BACH2: variants seen among roughly 807,000 people sequenced by gnomAD.
BACH2 encodes the protein transcription regulator protein BACH2.
BACH2 carries 5 observed loss-of-function variants against 61.8 expected under a neutral mutation model. The observed-to-expected ratio is 0.08, with a 90% CI of 0.04 to 0.17. The LOEUF (loss-of-function observed/expected upper bound fraction) is 0.17, where lower values mean the gene tolerates loss of function less well. BACH2 is among the 10% of genes least tolerant of loss of function. BACH2 has a pLI of 1.00. For synonymous variants in BACH2, 446 were observed against 440.1 expected (o/e 1.01, Z -0.17); for missense variants, 824 against 1,091.1 (o/e 0.76, Z 3.45).
At chr6:90,289,883 A>G (rs10498965) in intron 1 of BACH2, among the ~76,000 whole-genome samples, 15,885 of 152,250 alleles carry the variant, frequency 0.1, 1,166 homozygotes, top group East Asian at 0.36. Flanking sequence ...CTGGGAGAGA[A>G]TATCTTTGTA....
chr6:90,230,739 C>T (rs1274681534), intron 3 of BACH2, among the ~76,000 whole-genome samples: 1 of 152,166 alleles, frequency 6.6e-6, no homozygotes, highest in Non-Finnish European at 1.5e-5. Context: ...TCTGCCCCCA[C>T]ATGATGATAA....
chr6:90,012,554 A>C (rs1412043084), intron 5 of BACH2, among the ~76,000 whole-genome samples: 1 of 151,596 alleles, frequency 6.6e-6, no homozygotes, highest in Non-Finnish European at 1.5e-5. Flanking sequence ...GTGTGAACCC[A>C]GCAGGAAGAG....
In BACH2 at chr6:90,155,948, A is replaced by T. The variant is rs369298838; in HGVS notation, c.-162+50621T>A. ...CAATATTGCATAAAGTCCTATTCTC[A>T]GATGACAATTGAGGTGGCCTCATCA... On this transcript the variant is annotated intron_variant, in intron 4 of 8. Coordinates refer to ENST00000257749, the MANE Select transcript of BACH2 (RefSeq NM_021813.4). 3.1e-4 allele frequency among the ~76,000 whole-genome samples: 47 copies of T among 152,332 alleles called. 3 individuals are homozygous for T. The East Asian group carries it at 4.4e-3, about 14-fold the overall frequency.
chr6:90,045,455 A>G (rs1384757786), intron 5 of BACH2, among the ~76,000 whole-genome samples: 1 of 152,218 alleles, frequency 6.6e-6, no homozygotes, highest in Non-Finnish European at 1.5e-5. Context: ...AAATTAATAA[A>G]GGTGGGGGGA....
intron 5 of BACH2, among the ~76,000 whole-genome samples, chr6:90,014,466 A>T (rs868464580): frequency 6.8e-3 from 347 of 50,808 alleles, no homozygotes; most frequent in African/African-American, 0.014. Flanking sequence ...ATATATATAT[A>T]TATTTTTTTT....
intron 4 of BACH2, among the ~76,000 whole-genome samples, chr6:90,104,069 A>C (rs1266694253): frequency 6.6e-6 from 1 of 152,224 alleles, no homozygotes; most frequent in Non-Finnish European, 1.5e-5. Flanking sequence ...GCACCAAATA[A>C]AATCCGCAGG....
At position 90,034,259 on chromosome 6, in the gene BACH2, A is replaced by G. The variant is rs757508711; in HGVS notation, c.-12-25403T>C. ...TTACAATTGACCGTATTTGAAATCT[A>G]TTAAAATCTCTTAATTATTCTTATA... On this transcript the variant is annotated intron_variant, in intron 5 of 8. Transcript: ENST00000257749. Among the ~76,000 whole-genome samples the G allele has an allele frequency of 1.1e-3, 162 of 152,220 alleles. 2 individuals are homozygous for G. The highest frequency in any genetic ancestry group is 2.6e-4 in the Non-Finnish European group (18 of 68,022).
chr6:90,080,232 G>A (rs1781664552), intron 5 of BACH2, among the ~76,000 whole-genome samples: 3 of 152,164 alleles, frequency 2.0e-5, no homozygotes, highest in Admixed American at 6.6e-5. Flanking sequence ...AGAGCGGGCT[G>A]TGAGGAGTGA....
At chr6:90,007,899 G>A (rs965674263) in intron 6 of BACH2, among the ~76,000 whole-genome samples, 3 of 152,196 alleles carry the variant, frequency 2.0e-5, no homozygotes, top group Admixed American at 6.5e-5. Flanking sequence ...TCAGGATGAT[G>A]AACCAAGAGG....
intron 4 of BACH2, among the ~76,000 whole-genome samples, chr6:90,193,654 A>G (rs1272520653): frequency 6.6e-6 from 1 of 152,342 alleles, no homozygotes; most frequent in East Asian, 1.9e-4. Flanking sequence ...ACCTCTCAAT[A>G]AAAGCACTTC....
chr6:90,013,154 C>G (rs1260009017), intron 5 of BACH2, among the ~76,000 whole-genome samples: 1 of 151,960 alleles, frequency 6.6e-6, no homozygotes, highest in East Asian at 1.9e-4. Flanking sequence ...GTTCTCATAG[C>G]CTGTTTTTTC....
intron 4 of BACH2, among the ~76,000 whole-genome samples, chr6:90,125,057 C>T (rs1290250477): frequency 6.6e-6 from 1 of 151,880 alleles, no homozygotes; most frequent in South Asian, 2.1e-4. Context: ...ATTTTGTGAA[C>T]TGTCCAAAGT....
At position 90,254,014 on chromosome 6, in the gene BACH2, T is replaced by C. The variant is rs891873789; in HGVS notation, c.-352-1424A>G. Reference sequence around the variant, plus strand: ...TTACTGTTTAGTATCCTAAAAGAAATAGTTTTCAAAATATCTACATTCATT... The same window carrying C: ...TTACTGTTTAGTATCCTAAAAGAAACAGTTTTCAAAATATCTACATTCATT... On this transcript the variant is annotated intron_variant, in intron 2 of 8. Coordinates refer to ENST00000257749, the MANE Select transcript of BACH2 (RefSeq NM_021813.4). Among the ~76,000 whole-genome samples, 3 of 152,120 alleles carry C rather than the reference T, an allele frequency of 2.0e-5. No individual in the cohort carries two copies. In the South Asian group the frequency reaches 6.2e-4, roughly 32 times the overall value.
chr6:90,109,635 C>CA (rs1258038696), intron 4 of BACH2, among the ~76,000 whole-genome samples: 1 of 151,952 alleles, frequency 6.6e-6, no homozygotes. Flanking sequence ...ATAACATGGC[C>CA]AAAAAAACAA....
chr6:90,171,289 C>T (rs953718473), intron 4 of BACH2, among the ~76,000 whole-genome samples: 1 of 151,604 alleles, frequency 6.6e-6, no homozygotes, highest in Non-Finnish European at 1.5e-5. Flanking sequence ...AGTGTGCACC[C>T]GTAGTCTCAG....
intron 6 of BACH2, among the ~76,000 whole-genome samples, chr6:89,992,238 T>C (rs1051966094): frequency 1.3e-5 from 2 of 152,208 alleles, no homozygotes; most frequent in Non-Finnish European, 2.9e-5. Flanking sequence ...TATTTATGTG[T>C]TACAATTATG....
In BACH2 at chr6:90,243,672, C is replaced by T. The variant is rs61191480; in HGVS notation, c.-275+8841G>A. 7.9e-3 allele frequency among the ~76,000 whole-genome samples: 1,197 copies of T among 152,204 alleles called. 9 individuals are homozygous for T. The highest frequency in any genetic ancestry group is 0.022 in the East Asian group (112 of 5,170). Reference sequence around the variant, plus strand: ...TTCCTATGAATTTTAAAGTTTGACACCACTGGCCAAAAATTCTATGAATTT... The same window carrying T: ...TTCCTATGAATTTTAAAGTTTGACATCACTGGCCAAAAATTCTATGAATTT... On this transcript the variant is annotated intron_variant, in intron 3 of 8. Coordinates refer to ENST00000257749, the MANE Select transcript of BACH2 (RefSeq NM_021813.4).
At chr6:90,077,436 G>A (rs190157831) in intron 5 of BACH2, among the ~76,000 whole-genome samples, 2 of 152,280 alleles carry the variant, frequency 1.3e-5, no homozygotes, top group Admixed American at 6.5e-5. Context: ...AAGCAGCATT[G>A]TCTGGAGACA....
intron 5 of BACH2, among the ~76,000 whole-genome samples, chr6:90,055,569 A>T (rs943489263): frequency 2.6e-5 from 4 of 151,646 alleles, no homozygotes; most frequent in Admixed American, 2.0e-4. Context: ...ATCCAGGAGA[A>T]CTTCCCCAAT....
Sources: allele counts gnomAD v4.1 joint callset (sites outside exome capture counted in the v4.1 genomes callset), GRCh38; gene constraint gnomAD v4.1.1; transcripts MANE v1.5; gene names NCBI Gene and HGNC (gene_info 2026-07-23, HGNC 2026-07-21).